ANKRD30B: variants seen among roughly 807,000 people sequenced by gnomAD.
ANKRD30B encodes the protein ankyrin repeat domain-containing protein 30B.
ANKRD30B carries 144 observed loss-of-function variants against 202.2 expected under a neutral mutation model. That is an observed-to-expected ratio of 0.71 (90% confidence interval 0.62 to 0.82). The LOEUF (loss-of-function observed/expected upper bound fraction) is 0.82. Among genes scored for constraint, ANKRD30B ranks in the 40% least tolerant of loss-of-function variants. The pLI is 0.00. For missense variants in ANKRD30B, 1,487 were observed against 1,669.1 expected, an observed-to-expected ratio of 0.89 and a Z score of 1.90; for synonymous variants, 508 against 561.3, an observed-to-expected ratio of 0.91 and a Z score of 1.34.
the ANKRD30B span, among the ~76,000 whole-genome samples, chr18:14,938,490 G>A: frequency 6.6e-6 from 1 of 152,042 alleles, no homozygotes; most frequent in African/African-American, 2.4e-5. Flanking sequence ...GCTGGCCATG[G>A]CCCTCAGTCC....
the ANKRD30B span, among the ~76,000 whole-genome samples, chr18:14,896,353 G>C: frequency 6.6e-6 from 1 of 152,052 alleles, no homozygotes; most frequent in Non-Finnish European, 1.5e-5. Flanking sequence ...GGATGGTCTC[G>C]ATCTCCTGAC....
intron 24 of ANKRD30B, chr18:14,808,286 C>A (rs535730602): frequency 5.1e-5 from 23 of 453,422 alleles, no homozygotes; most frequent in Non-Finnish European, 6.7e-5. Context: ...GATTTTTCTA[C>A]TTTAGTTATT....
the ANKRD30B span, among the ~76,000 whole-genome samples, chr18:14,940,009 A>G: frequency 6.6e-6 from 1 of 152,346 alleles, no homozygotes; most frequent in East Asian, 1.9e-4. Flanking sequence ...TTTGCAATAT[A>G]GAAAGCCGAC....
chr18:14,793,939 T>C (rs1968699337), intron 16 of ANKRD30B, among the ~76,000 whole-genome samples: 1 of 151,936 alleles, frequency 6.6e-6, no homozygotes, highest in Admixed American at 6.6e-5. Flanking sequence ...TTCCACCACA[T>C]TTAATTAGAC....
chr18:14,919,840 A>T, the ANKRD30B span, among the ~76,000 whole-genome samples: 2 of 152,188 alleles, frequency 1.3e-5, no homozygotes, highest in Non-Finnish European at 2.9e-5. Flanking sequence ...GTAAATGTTT[A>T]AAAACGTTCT....
the ANKRD30B span, among the ~76,000 whole-genome samples, chr18:14,939,300 C>G: frequency 6.6e-6 from 1 of 152,222 alleles, no homozygotes; most frequent in Non-Finnish European, 1.5e-5. Context: ...GGGACAGGAG[C>G]TCATCCTACA....
At chr18:14,854,116 A>G (rs1971995415) in intron 43 of ANKRD30B, among the ~76,000 whole-genome samples, 76 bp from the exon 44 acceptor site, 2 of 152,046 alleles carry the variant, frequency 1.3e-5, no homozygotes, top group South Asian at 4.1e-4. Flanking sequence ...TTTTATTACA[A>G]TTTTATTATC....
the ANKRD30B span, among the ~76,000 whole-genome samples, chr18:14,940,885 G>A: frequency 3.3e-5 from 5 of 152,232 alleles, no homozygotes; most frequent in African/African-American, 1.2e-4. Flanking sequence ...AGCTAAATCC[G>A]GTGCTTCTGA....
At chr18:14,816,657 A>G (rs1970124509) in intron 30 of ANKRD30B, 1 of 152,010 alleles carries the variant, frequency 6.6e-6, no homozygotes, top group Non-Finnish European at 1.5e-5. Flanking sequence ...AAAAAAAAAA[A>G]AAAGAATTTA....
the ANKRD30B span, among the ~76,000 whole-genome samples, chr18:14,937,338 T>G: frequency 6.6e-6 from 1 of 152,330 alleles, no homozygotes; most frequent in African/African-American, 2.4e-5. Flanking sequence ...CTCAACAAAC[T>G]GTGGCAGGAG....
chr18:14,764,112 T>C (rs761394148), intron 7 of ANKRD30B, 22 bp downstream of exon 7: 238 of 1,480,576 alleles, frequency 1.6e-4, no homozygotes, highest in Non-Finnish European at 2.0e-4. Flanking sequence ...GAGTGAACTT[T>C]GCAGGGTTTA....
chr18:14,764,957 GGAATAAT>G (rs1350391820), intron 7 of ANKRD30B, among the ~76,000 whole-genome samples: 4 of 152,236 alleles, frequency 2.6e-5, no homozygotes, highest in Admixed American at 2.6e-4. Context: ...TGGGGGTAAT[GGAATAAT>G]GAATATCTAA....
In ANKRD30B at chr18:14,852,185, A is replaced by G; in HGVS notation, c.4241A>G (p.Gln1414Arg). The G allele has an allele frequency of 1.3e-6, 2 of 1,594,582 alleles. No homozygotes were observed. Among genetic ancestry groups the G allele is most frequent in the Non-Finnish European group, 1.7e-6 (2 of 1,170,324 alleles). The change falls in exon 42 of 44, where the codon CAG becomes CGG. Residue 1414 changes from glutamine to arginine, a missense_variant. Physicochemically the swap from Gln to Arg is conservative, Grantham distance 43. Around this residue, in one of 6 missense-constraint regions of ANKRD30B, gnomAD observed 182 missense variants for 216.0 expected, o/e 0.84. Transcript: ENST00000690538. ...GATAATGTGGACAAACACACTGAAC[A>G]GCAGGAGTCTCTGGAGCAGAAATTA... ...EQDNVDKHTE[Q>R]QESLEQKLFQ... is the part of the protein sequence containing the mutation.
the ANKRD30B span, among the ~76,000 whole-genome samples, chr18:14,933,032 T>C: frequency 2.2e-4 from 33 of 152,338 alleles, no homozygotes; most frequent in African/African-American, 7.7e-4. Flanking sequence ...CAATTTTGTT[T>C]CGTTGTGTGG....
chr18:14,928,566 G>A, the ANKRD30B span, among the ~76,000 whole-genome samples: 1 of 152,142 alleles, frequency 6.6e-6, no homozygotes, highest in Non-Finnish European at 1.5e-5. Flanking sequence ...TTCACTATCA[G>A]CGATCCTGTT....
chr18:14,866,216 C>T, the ANKRD30B span, among the ~76,000 whole-genome samples: 16 of 152,254 alleles, frequency 1.1e-4, no homozygotes, highest in Non-Finnish European at 2.2e-4. Context: ...CTACTCTGTT[C>T]CCGGCTTAGA....
intron 34 of ANKRD30B, among the ~76,000 whole-genome samples, chr18:14,835,220 T>G (rs1216644855): frequency 6.6e-6 from 1 of 151,790 alleles, no homozygotes; most frequent in Non-Finnish European, 1.5e-5. Context: ...ATGTAGAAAT[T>G]ATTAATCTCT....
At position 14,781,471 on chromosome 18, in the gene ANKRD30B, A is replaced by AT. The variant is rs200409406; in HGVS notation, c.1483-1049dup. On this transcript the variant is annotated intron_variant, in intron 11 of 43. Coordinates refer to ENST00000690538, the MANE Select transcript of ANKRD30B (RefSeq NM_001367607.2). ...CACCACGCCCAGCTAATTTTTTTGC[A>AT]TTTTTTTAGTAGAGACGGGATTTCA... 8.3e-3 allele frequency among the ~76,000 whole-genome samples: 1,253 copies of AT among 151,592 alleles called. 19 individuals are homozygous for AT. The highest frequency in any genetic ancestry group is 0.029 in the African/African-American group (1,208 of 41,362).
At chr18:14,875,822 G>A in the ANKRD30B span, among the ~76,000 whole-genome samples, 17 of 152,144 alleles carry the variant, frequency 1.1e-4, no homozygotes, top group Non-Finnish European at 2.4e-4. Context: ...CTATATAGCG[G>A]TGGTACCATA....
Sources: allele counts gnomAD v4.1 joint callset (sites outside exome capture counted in the v4.1 genomes callset), GRCh38; gene constraint gnomAD v4.1.1; regional missense constraint gnomAD v4.1.1; transcripts MANE v1.5; gene names NCBI Gene and HGNC (gene_info 2026-07-23, HGNC 2026-07-21).